Variants in C16orf96 observed in about 807,000 individuals in gnomAD.
C16orf96 encodes the protein uncharacterized protein C16orf96.
In C16orf96, 108 loss-of-function variants were observed where a neutral mutation model predicts 103.6. That is an observed-to-expected ratio of 1.04 (90% CI 0.89 to 1.22). The LOEUF (loss-of-function observed/expected upper bound fraction) is 1.22, where lower values mean the gene tolerates loss of function less well. Among genes scored for constraint, C16orf96 ranks in the 50% most tolerant of loss-of-function variants. The pLI is 0.00. For synonymous variants in C16orf96, 566 were observed against 593.5 expected, an observed-to-expected ratio of 0.95 and a Z score of 0.67; for missense variants, 1,586 against 1,464.2, an observed-to-expected ratio of 1.08 and a Z score of -1.36.
chr16:4,557,194 C>G (rs1302233694), intron 1 of C16orf96, among the ~76,000 whole-genome samples: 2 of 151,922 alleles, frequency 1.3e-5, no homozygotes, highest in Admixed American at 6.6e-5. Context: ...GGTCTCAAAC[C>G]CCTGATCTCA....
At position 4,575,397 on chromosome 16, in the gene C16orf96, C is replaced by A; in HGVS notation, c.917C>A (p.Pro306Gln). 6.4e-7 allele frequency: 1 copy of A among 1,550,628 alleles called. No homozygotes were observed. Among genetic ancestry groups the A allele is most frequent in the South Asian group, 1.2e-5 (1 of 84,062 alleles). ...QAVSLSRAQEPAQPPALTPES... is the reference protein window; with the variant it reads ...QAVSLSRAQEQAQPPALTPES... ...GTTTCACTCAGCAGAGCCCAGGAGC[C>A]AGCGCAGCCTCCGGCCCTCACGCCT... Residue 306 changes from proline to glutamine, a missense_variant, in exon 5 of 16, where the codon CCA (proline) becomes CAA (glutamine). Transcript: ENST00000444310.
chr16:4,571,261 G>A (rs2059435090), intron 1 of C16orf96, among the ~76,000 whole-genome samples: 1 of 152,172 alleles, frequency 6.6e-6, no homozygotes. Flanking sequence ...GATGGGCTGT[G>A]CTTCCTCCCT....
chr16:4,585,521 A>G (rs897059063), intron 7 of C16orf96, among the ~76,000 whole-genome samples: 2 of 152,172 alleles, frequency 1.3e-5, no homozygotes, highest in African/African-American at 4.8e-5. Flanking sequence ...CAGCAAAGAA[A>G]CGAGCCCAAG....
chr16:4,562,474 AAG>A (rs1555504600), intron 1 of C16orf96, among the ~76,000 whole-genome samples: 4 of 151,546 alleles, frequency 2.6e-5, no homozygotes, highest in Non-Finnish European at 5.9e-5. Flanking sequence ...AAAAAAAAAA[AAG>A]AGAAAAGCCT....
chr16:4,584,700 A>T (rs1206081210), intron 7 of C16orf96, among the ~76,000 whole-genome samples: 1 of 151,976 alleles, frequency 6.6e-6, no homozygotes, highest in Non-Finnish European at 1.5e-5. Context: ...ACACTCGGCT[A>T]ATTTTTTATT....
intron 7 of C16orf96, among the ~76,000 whole-genome samples, chr16:4,584,590 A>G: frequency 6.6e-6 from 1 of 151,672 alleles, no homozygotes; most frequent in Non-Finnish European, 1.5e-5. Context: ...GCTGGAGTGC[A>G]ATGGCGCAAT....
intron 7 of C16orf96, among the ~76,000 whole-genome samples, 158 bp from the exon 8 acceptor site, chr16:4,586,881 C>G (rs1477792800): frequency 6.6e-6 from 1 of 152,202 alleles, no homozygotes; most frequent in Admixed American, 6.5e-5. Flanking sequence ...GCACCTGGAG[C>G]CCTTGAGCCT....
At chr16:4,568,417 T>C (rs2059403578) in intron 1 of C16orf96, among the ~76,000 whole-genome samples, 1 of 152,054 alleles carries the variant, frequency 6.6e-6, no homozygotes, top group Admixed American at 6.6e-5. Flanking sequence ...GTTTATACTA[T>C]TGTTCAAATC....
intron 6 of C16orf96, among the ~76,000 whole-genome samples, chr16:4,579,310 T>C (rs1281014653): frequency 6.6e-6 from 1 of 152,054 alleles, no homozygotes; most frequent in Non-Finnish European, 1.5e-5. Context: ...CCCAACGCTT[T>C]ACAAGGCTGA....
rs560446187 is a variant in C16orf96, at chr16:4,572,038, CAG to C, written c.525+374_525+375del. On this transcript the variant is annotated intron_variant, in intron 2 of 15. Coordinates refer to ENST00000444310, the MANE Select transcript of C16orf96 (RefSeq NM_001145011.2). Reference sequence around the variant, plus strand: ...GTAATTTTTGTATTTTTAGTAGAGACAGGGGTTCATCTTGTTGGCCAGGCTGG... The same window carrying C: ...GTAATTTTTGTATTTTTAGTAGAGACGGGTTCATCTTGTTGGCCAGGCTGG... Among the ~76,000 whole-genome samples the C allele has an allele frequency of 2.2e-3, 335 of 151,778 alleles. 5 individuals carry two copies. The highest frequency in any genetic ancestry group is 7.4e-3 in the African/African-American group (307 of 41,400).
At chr16:4,550,576 C>G in the C16orf96 span, among the ~76,000 whole-genome samples, 5 of 152,226 alleles carry the variant, frequency 3.3e-5, no homozygotes, top group African/African-American at 1.2e-4. Context: ...TCAGTGAGCA[C>G]TTTGTGCTGG....
chr16:4,540,702 G>A, the C16orf96 span, among the ~76,000 whole-genome samples: 6 of 152,002 alleles, frequency 3.9e-5, no homozygotes, highest in Admixed American at 6.6e-5. Flanking sequence ...TCTCCAGCCT[G>A]GGAGACAGAG....
chr16:4,581,031 G>A (rs1025858898), intron 7 of C16orf96, among the ~76,000 whole-genome samples: 2 of 151,028 alleles, frequency 1.3e-5, no homozygotes, highest in Non-Finnish European at 3.0e-5. Context: ...GGCTGAGGCA[G>A]GAGAATCCCT....
chr16:4,582,355 G>C (rs963333466), intron 7 of C16orf96, among the ~76,000 whole-genome samples: 7 of 151,980 alleles, frequency 4.6e-5, no homozygotes. Flanking sequence ...TTCCGTGAAG[G>C]CTTCCAAGTC....
intron 1 of C16orf96, among the ~76,000 whole-genome samples, chr16:4,570,219 T>C (rs1339531311): frequency 2.0e-5 from 3 of 152,158 alleles, no homozygotes; most frequent in Non-Finnish European, 4.4e-5. Context: ...AAAGTGCTGA[T>C]AATTCGGAAT....
the C16orf96 span, among the ~76,000 whole-genome samples, chr16:4,550,636 A>G: frequency 2.6e-5 from 4 of 152,102 alleles, no homozygotes; most frequent in African/African-American, 9.7e-5. Context: ...GGAACCTGCA[A>G]ATGTTTACCT....
intron 2 of C16orf96, among the ~76,000 whole-genome samples, chr16:4,573,899 T>C (rs888159323): frequency 1.3e-5 from 2 of 151,900 alleles, no homozygotes; most frequent in Non-Finnish European, 2.9e-5. Flanking sequence ...AGTGGCACGA[T>C]CTCAGCTCAC....
At chr16:4,564,524 T>A (rs775432030) in intron 1 of C16orf96, among the ~76,000 whole-genome samples, 1 of 152,140 alleles carries the variant, frequency 6.6e-6, no homozygotes, top group Non-Finnish European at 1.5e-5. Flanking sequence ...AAATTGGATT[T>A]TTAAGGCTGG....
chr16:4,554,718 T>C (rs914587948), upstream of C16orf96, among the ~76,000 whole-genome samples: 1 of 151,088 alleles, frequency 6.6e-6, no homozygotes, highest in Non-Finnish European at 1.5e-5. Context: ...AATGGCACAA[T>C]CTTGGCTCAC....
Sources: gnomAD v4.1 joint callset for allele counts (sites outside exome capture counted in the v4.1 genomes callset) on GRCh38, gnomAD v4.1.1 for gene constraint, MANE v1.5 for transcripts, NCBI Gene and HGNC (gene_info 2026-07-23, HGNC 2026-07-21) for gene names.